Variants in VAV2 observed in about 807,000 individuals in gnomAD.
VAV2 encodes the protein vav guanine nucleotide exchange factor 2.
In VAV2, 67 loss-of-function variants were observed where a neutral mutation model predicts 132.5. That is an observed-to-expected ratio of 0.51 (90% CI 0.42 to 0.62). The LOEUF is 0.62. VAV2 is among the 20% of genes least tolerant of loss of function. The pLI, the probability that VAV2 is intolerant of heterozygous loss-of-function variation, is 0.00. For missense variants in VAV2, 938 were observed against 1,153.6 expected, an observed-to-expected ratio of 0.81 and a Z score of 2.71; for synonymous variants, 492 against 443.5, an observed-to-expected ratio of 1.11 and a Z score of -1.37.
At chr9:133,964,759 TA>T (rs1255479033) in intron 1 of VAV2, among the ~76,000 whole-genome samples, 1 of 152,190 alleles carries the variant, frequency 6.6e-6, no homozygotes, top group African/African-American at 2.4e-5. Context: ...AAGCATTTGA[TA>T]AAATTCAATA....
chr9:133,961,786 G>A lies in VAV2; in HGVS notation c.205-22567C>T, dbSNP rs867778643. Among the ~76,000 whole-genome samples, 10 of 152,198 alleles carry A rather than the reference G, an allele frequency of 6.6e-5. No homozygotes were observed. The highest frequency in any genetic ancestry group is 1.2e-4 in the Non-Finnish European group (8 of 68,034). ...TCAGGGAGAAGACCCGGGCTTGCAT[G>A]ATGTACACCAGGGAGCCCACAGGAG... On this transcript the variant is annotated intron_variant, in intron 1 of 29. Transcript: ENST00000371850. The surrounding 1 kb of genome is among the most constrained non-coding windows in gnomAD (Gnocchi z 4.1).
intron 2 of VAV2, among the ~76,000 whole-genome samples, chr9:133,880,818 G>GT (rs2131937329): frequency 6.6e-6 from 1 of 152,340 alleles, no homozygotes; most frequent in African/African-American, 2.4e-5. Flanking sequence ...AAATATCTAG[G>GT]TAAAGCAGGG....
intron 2 of VAV2, among the ~76,000 whole-genome samples, chr9:133,869,997 A>G (rs1428469071): frequency 7.9e-5 from 12 of 152,228 alleles, no homozygotes; most frequent in Admixed American, 6.5e-5. Flanking sequence ...AGCCTGTGTT[A>G]TCCTTCATTT....
intron 11 of VAV2, 48 bp downstream of exon 11, chr9:133,796,381 G>A: frequency 6.4e-7 from 1 of 1,551,782 alleles, no homozygotes; most frequent in African/African-American, 1.4e-5. Context: ...GCCCTCATCT[G>A]ACTCCAGCAG....
At chr9:133,980,232 C>T (rs1030298773) in intron 1 of VAV2, among the ~76,000 whole-genome samples, 1 of 152,194 alleles carries the variant, frequency 6.6e-6, no homozygotes, top group African/African-American at 2.4e-5. Context: ...GTGAATGGCG[C>T]TCCAGAGGCA....
intron 2 of VAV2, among the ~76,000 whole-genome samples, chr9:133,915,291 G>A (rs923874152): frequency 5.9e-5 from 9 of 152,094 alleles, no homozygotes; most frequent in Non-Finnish European, 8.8e-5. Context: ...TGATCACGTG[G>A]TTTCACGACT....
intron 10 of VAV2, among the ~76,000 whole-genome samples, 189 bp downstream of exon 10, chr9:133,797,521 C>A (rs1276814874): frequency 6.6e-6 from 1 of 152,176 alleles, no homozygotes; most frequent in Non-Finnish European, 1.5e-5. Context: ...GGGATGGTGA[C>A]CTCCACCCAA....
chr9:133,765,504 T>G (rs576634670), intron 29 of VAV2, among the ~76,000 whole-genome samples: 1 of 152,270 alleles, frequency 6.6e-6, no homozygotes, highest in South Asian at 2.1e-4. Flanking sequence ...AGATATCCTA[T>G]AAAAATAGCT....
At chr9:133,847,336 G>A (rs1017477271) in intron 3 of VAV2, among the ~76,000 whole-genome samples, 1 of 152,198 alleles carries the variant, frequency 6.6e-6, no homozygotes, top group Non-Finnish European at 1.5e-5. Flanking sequence ...AACCCTAGCC[G>A]GGACCTTGCA....
chr9:133,915,977 T>TCA, intron 2 of VAV2, among the ~76,000 whole-genome samples: 1 of 108,900 alleles, frequency 9.2e-6, no homozygotes, highest in Non-Finnish European at 1.7e-5. Flanking sequence ...ACATACACAC[T>TCA]CACACGATGC....
At chr9:133,933,816 AT>A (rs1840785992) in intron 2 of VAV2, among the ~76,000 whole-genome samples, 1 of 139,528 alleles carries the variant, frequency 7.2e-6, no homozygotes, top group African/African-American at 2.7e-5. Context: ...TGATGGATGA[AT>A]GGATGAGTGG....
chr9:133,986,583 G>A (rs1487331373), intron 1 of VAV2, among the ~76,000 whole-genome samples: 1 of 152,216 alleles, frequency 6.6e-6, no homozygotes, highest in Non-Finnish European at 1.5e-5. Context: ...CTTGTTTGCA[G>A]TAAACGCACT....
chr9:133,851,549 C>G (rs1837167021), intron 3 of VAV2, among the ~76,000 whole-genome samples: 2 of 152,244 alleles, frequency 1.3e-5, no homozygotes, highest in African/African-American at 4.8e-5. Flanking sequence ...TGCCTGGGAG[C>G]AGATGGGTCC....
chr9:133,765,816 G>A (rs997655807), intron 29 of VAV2, among the ~76,000 whole-genome samples: 1 of 152,182 alleles, frequency 6.6e-6, no homozygotes, highest in African/African-American at 2.4e-5. Context: ...GAGAGAAATA[G>A]ACAAACACAC....
At chr9:133,942,355 T>G (rs1404254412) in intron 1 of VAV2, among the ~76,000 whole-genome samples, 1 of 152,204 alleles carries the variant, frequency 6.6e-6, no homozygotes, top group Non-Finnish European at 1.5e-5. Context: ...AAGGAGCTGT[T>G]GCTGCCACAC....
chr9:133,783,523 A>G lies in VAV2; in HGVS notation c.1703T>C (p.Val568Ala), dbSNP rs1348306895. The G allele has an allele frequency of 1.2e-6, 2 of 1,613,694 alleles. No homozygotes were observed. Among genetic ancestry groups the G allele is most frequent in the African/African-American group, 2.7e-5 (2 of 74,848 alleles). The change falls in exon 19 of 30, where the codon GTG becomes GCG. Residue 568 changes from valine to alanine, a missense_variant. Val to Ala is a moderately conservative substitution (Grantham distance 64). Coordinates refer to ENST00000371850, the MANE Select transcript of VAV2 (RefSeq NM_001134398.2). Reference sequence around the variant, plus strand: ...CTCACTGAACTTGCAGGGAGGTATCACTTCCAGGCACTCCTTGTGTGCCCC... The same window carrying G: ...CTCACTGAACTTGCAGGGAGGTATCGCTTCCAGGCACTCCTTGTGTGCCCC... The part of the protein sequence containing the change: ...GVGAHKECLE[V>A]IPPCKFTSPA...
Position 133,834,285 on chromosome 9 carries a change from CCAGGCTGCGGTAGACGT to C in VAV2, c.419_435del (p.Asp140GlyfsTer8). On this transcript the variant is annotated frameshift_variant, in exon 4 of 30. Transcript: ENST00000371850. LOFTEE classifies it high-confidence loss of function. The surrounding 1 kb of genome is among the most constrained non-coding windows in gnomAD (Gnocchi z 5.9). ...CCCCCGCCTTACTCGGCCAGCTCCTCCAGGCTGCGGTAGACGTCATCGTCATTCTCTGTGGTCTCCTC... is the reference window on the plus strand; with the variant it reads ...CCCCCGCCTTACTCGGCCAGCTCCTCCATCGTCATTCTCTGTGGTCTCCTC... The C allele has an allele frequency of 6.2e-7, 1 of 1,611,970 alleles. No individual in the cohort carries two copies. Among genetic ancestry groups the C allele is most frequent in the Non-Finnish European group, 8.5e-7 (1 of 1,179,120 alleles).
rs1834983675 is a variant in VAV2 at position 133,802,742 on chromosome 9, A to C, written c.836+3339T>G. Among the ~76,000 whole-genome samples the C allele has an allele frequency of 6.9e-6, 1 of 143,886 alleles. No homozygotes were observed. The highest frequency in any genetic ancestry group is 6.7e-5 in the Admixed American group (1 of 14,924). The allele number at this position is 143,886 out of a possible 152,430, so 94.4% of individuals were successfully genotyped here. The stretch of plus-strand genomic sequence containing the variant: ...TGCCTCTCCTCTGCCCATTTTCCTC[A>C]TGGTATCACCTCTGCCTCCAGTCCA... On this transcript the variant is annotated intron_variant, in intron 9 of 29. Coordinates refer to ENST00000371850, the MANE Select transcript of VAV2 (RefSeq NM_001134398.2). This position sits in a 1 kb window ranked among gnomAD's most constrained non-coding sequence, Gnocchi z 5.8.
intron 1 of VAV2, among the ~76,000 whole-genome samples, chr9:133,959,145 C>A (rs924044215): frequency 1.3e-5 from 2 of 152,176 alleles, no homozygotes; most frequent in Non-Finnish European, 2.9e-5. Flanking sequence ...CTGAAAATGG[C>A]AAATCCATAG....
Sources: allele counts gnomAD v4.1 joint callset (sites outside exome capture counted in the v4.1 genomes callset), GRCh38; gene constraint gnomAD v4.1.1; non-coding constraint Gnocchi (gnomAD v3.1); transcripts MANE v1.5; gene names NCBI Gene and HGNC (gene_info 2026-07-23, HGNC 2026-07-21).